Variants in PRSS36 observed in about 807,000 individuals in gnomAD.
PRSS36 encodes the protein serine protease 36.
Under a neutral mutation model 94.3 loss-of-function variants are expected in PRSS36, and 90 were observed. The observed-to-expected ratio is 0.95, with a 90% CI of 0.80 to 1.14. The LOEUF is 1.14. Among genes scored for constraint, PRSS36 ranks in the 50% most tolerant of loss-of-function variants. PRSS36 has a pLI of 0.00. For missense variants in PRSS36, 1,158 were observed against 1,135.0 expected (o/e 1.02, Z -0.29); for synonymous variants, 500 against 489.6 (o/e 1.02, Z -0.28).
At chr16:31,142,438 C>T (rs1371951501) in intron 10 of PRSS36, 43 bp downstream of exon 10, 4 of 1,416,614 alleles carry the variant, frequency 2.8e-6, no homozygotes, top group Non-Finnish European at 3.7e-6. Flanking sequence ...TTCCTAGAGC[C>T]CTCTCGGGCC....
Position 31,148,285 on chromosome 16 carries a change from C to T in PRSS36, c.553+110G>A, listed in dbSNP as rs376820181. 2.5e-5 allele frequency: 31 copies of T among 1,224,178 alleles called. No homozygotes were observed. The African/African-American group carries it at 4.3e-4, about 17-fold the overall frequency. 75.8% of individuals were successfully genotyped at this position (1,224,178 alleles called of 1,614,324 possible). On this transcript the variant is annotated intron_variant, in intron 5 of 14. Transcript: ENST00000268281. Reference sequence around the variant, plus strand: ...CCGCAGAAACCTACCCTCCAACGCTCCCCGCAGGCTCCGCTCCGTGGCCCC... The same window carrying T: ...CCGCAGAAACCTACCCTCCAACGCTTCCCGCAGGCTCCGCTCCGTGGCCCC...
Position 31,142,942 on chromosome 16 carries a change from C to T in PRSS36, c.1152G>A (p.Leu384=). 1.4e-6 allele frequency: 2 copies of T among 1,470,866 alleles called. No individual in the cohort carries two copies. The highest frequency in any genetic ancestry group is 8.9e-7 in the Non-Finnish European group (1 of 1,118,178). The allele number at this position is 1,470,866 out of a possible 1,614,324, so 91.1% of individuals were successfully genotyped here. ...PPRDLDAWRV[L]LPSRPRAERV... is the part of the protein sequence containing the mutation. ...GCTCCGCGCGCGGGCGCGAGGGCAG[C>T]AGCACGCGCCAGGCGTCGAGGTCGC... Residue 384 remains leucine (L), a synonymous_variant, in exon 9 of 15, where the codon CTG becomes CTA. Coordinates refer to ENST00000268281, the MANE Select transcript of PRSS36 (RefSeq NM_173502.5).
chr16:31,149,576 C>T (rs2057864060), intron 2 of PRSS36, 78 bp from the exon 3 acceptor site: 1 of 1,606,674 alleles, frequency 6.2e-7, no homozygotes, highest in Non-Finnish European at 8.5e-7. Context: ...TCCTGCTCTC[C>T]AACCCCCGAC....
intron 5 of PRSS36, among the ~76,000 whole-genome samples, chr16:31,147,519 GAGCATGGAA>G (rs2057815762): frequency 2.0e-5 from 3 of 152,160 alleles, no homozygotes; most frequent in Non-Finnish European, 4.4e-5. Flanking sequence ...GGGGCCCTGG[GAGCATGGAA>G]AGCTTGGGTG....
At position 31,139,434 on chromosome 16, in the gene PRSS36, G is replaced by A; in HGVS notation, c.2290-18C>T. ...GAGGTCATCTGCAGAGTTGGAGCGA[G>A]GCCACGTGGGTCTGCTGCCCTTCCT... is the stretch of plus-strand genomic sequence containing the variant. On this transcript the variant is annotated intron_variant, in intron 14 of 14. Transcript: ENST00000268281. The A allele has an allele frequency of 6.2e-7, 1 of 1,605,232 alleles. No homozygotes were observed. The highest frequency in any genetic ancestry group is 1.1e-5 in the South Asian group (1 of 90,298).
chr16:31,143,161 A>G (rs1168570072), intron 8 of PRSS36, among the ~76,000 whole-genome samples, 168 bp from the exon 9 acceptor site: 1 of 151,804 alleles, frequency 6.6e-6, no homozygotes, highest in Admixed American at 6.6e-5. Flanking sequence ...TCGAACTTCT[A>G]TCTACCATGC....
chr16:31,143,252 A>G (rs1431262107), intron 8 of PRSS36, 90 bp downstream of exon 8: 2 of 1,497,638 alleles, frequency 1.3e-6, no homozygotes, highest in South Asian at 1.3e-5. Flanking sequence ...CCCCCCCCAC[A>G]CCCCCTGGGG....
At chr16:31,148,713 C>T (rs2057842349) in intron 4 of PRSS36, 38 bp from the exon 5 acceptor site, 1 of 1,607,886 alleles carries the variant, frequency 6.2e-7, no homozygotes, top group Non-Finnish European at 8.5e-7. Flanking sequence ...TAGGTTGACC[C>T]TATGGAGGGG....
intron 4 of PRSS36, 160 bp from the exon 5 acceptor site, chr16:31,148,835 TGGTGG>T: frequency 9.7e-7 from 1 of 1,031,830 alleles, no homozygotes; most frequent in Non-Finnish European, 1.4e-6. Flanking sequence ...TTGGAGCTGG[TGGTGG>T]GGGGGTCATT....
chr16:31,149,251 G>C lies in PRSS36; in HGVS notation c.110-16C>G, dbSNP rs755170809. Reference sequence around the variant, plus strand: ...CGCCCGCAGTCTGCAACGGGGAGCCGTGGAAGCCAAAGCTCCCCTCGGGTT... The same window carrying C: ...CGCCCGCAGTCTGCAACGGGGAGCCCTGGAAGCCAAAGCTCCCCTCGGGTT... On this transcript the variant is annotated splice_polypyrimidine_tract_variant and intron_variant, in intron 3 of 14. Transcript: ENST00000268281. 1.3e-6 allele frequency: 2 copies of C among 1,540,662 alleles called. No individual in the cohort carries two copies. Among genetic ancestry groups the C allele is most frequent in the Non-Finnish European group, 1.8e-6 (2 of 1,141,872 alleles).
intron 2 of PRSS36, 96 bp from the exon 3 acceptor site, chr16:31,149,594 T>G: frequency 6.2e-7 from 1 of 1,606,016 alleles, no homozygotes; most frequent in South Asian, 1.1e-5. Flanking sequence ...GACCCTATCT[T>G]CCCACTTCCC....
chr16:31,143,698 C>G lies in PRSS36; in HGVS notation c.860G>C (p.Arg287Pro). Residue 287 changes from arginine (R) to proline (P), a missense_variant, in exon 7 of 15, where the codon CGG becomes CCG. Coordinates refer to ENST00000268281, the MANE Select transcript of PRSS36 (RefSeq NM_173502.5). ...TAVATYEAWI[R>P]EQVMGSEPGP... ...AGGCTCTGAACCCATCACCTGCTCC[C>G]GTATCCATGCCTCATAGGTAGCCAC... The G allele has an allele frequency of 1.2e-6, 2 of 1,614,182 alleles. No individual in the cohort carries two copies. The highest frequency in any genetic ancestry group is 1.7e-6 in the Non-Finnish European group (2 of 1,180,038).
Position 31,142,826 on chromosome 16 carries a change from C to T in PRSS36, c.1268G>A (p.Ser423Asn), listed in dbSNP as rs1267831667. The change falls in exon 9 of 15, where the codon AGC becomes AAC. Residue 423 changes from serine (S) to asparagine (N), a missense_variant. By Grantham distance (46) the Ser-to-Asn change is conservative. Transcript: ENST00000268281. Reference sequence around the variant, plus strand: ...TAGGCACACGGGCCGCGAAGCCGCGCTCAGGTTCACGGGCGTGCGCAGCTG... The same window carrying T: ...TAGGCACACGGGCCGCGAAGCCGCGTTCAGGTTCACGGGCGTGCGCAGCTG... ...LLQLRTPVNL[S>N]AASRPVCLPH... 44 of 1,540,934 alleles carry T rather than the reference C, an allele frequency of 2.9e-5. No individual in the cohort carries two copies. The highest frequency in any genetic ancestry group is 3.8e-5 in the Non-Finnish European group (43 of 1,146,562).
In PRSS36 at chr16:31,142,557, G is replaced by T; in HGVS notation, c.1445C>A (p.Ala482Glu). ...CHCLYGRQGA[A>E]VPLPGDPPHA... Reference sequence around the variant, plus strand: ...CGGCGGGTCTCCGGGCAGCGGTACTGCCGCCCCCTGGCGGCCGTACAGGCA... The same window carrying T: ...CGGCGGGTCTCCGGGCAGCGGTACTTCCGCCCCCTGGCGGCCGTACAGGCA... The change falls in exon 10 of 15, where the codon GCA becomes GAA. Residue 482 changes from alanine to glutamate, a missense_variant. Transcript: ENST00000268281. 1 of 1,525,880 alleles carries T rather than the reference G, an allele frequency of 6.6e-7. No individual in the cohort carries two copies. Among genetic ancestry groups the T allele is most frequent in the South Asian group, 1.2e-5 (1 of 82,886 alleles). 94.5% of individuals were successfully genotyped at this position (1,525,880 alleles called of 1,614,324 possible). A position where few individuals can be genotyped will look rare whatever the true frequency, so the allele number is the denominator to read the frequency against.
At chr16:31,148,902 G>A (rs1328981702) in intron 4 of PRSS36, among the ~76,000 whole-genome samples, 171 bp downstream of exon 4, 4 of 152,114 alleles carry the variant, frequency 2.6e-5, no homozygotes, top group Admixed American at 2.0e-4. Context: ...GGACCAGTCC[G>A]GCAGCCTTGC....
Position 31,142,540 on chromosome 16 carries a change from C to T in PRSS36, c.1462G>A (p.Asp488Asn). Residue 488 changes from aspartate (D) to asparagine (N), a missense_variant, in exon 10 of 15, where the codon GAC becomes AAC. Transcript: ENST00000268281. Reference protein sequence around the residue: ...RQGAAVPLPGDPPHALCPAYQ... With the variant: ...RQGAAVPLPGNPPHALCPAYQ... ...GCAGGGCAGAGCGCGTGCGGCGGGT[C>T]TCCGGGCAGCGGTACTGCCGCCCCC... 1.3e-6 allele frequency: 2 copies of T among 1,516,972 alleles called. No individual in the cohort carries two copies. The highest frequency in any genetic ancestry group is 1.8e-6 in the Non-Finnish European group (2 of 1,135,530). The allele number at this position is 1,516,972 out of a possible 1,614,324, so 94.0% of individuals were successfully genotyped here. A position where few individuals can be genotyped will look rare whatever the true frequency, so the allele number is the denominator to read the frequency against.
In PRSS36 at chr16:31,149,251, G is replaced by A. The variant is rs755170809; in HGVS notation, c.110-16C>T. 3.2e-6 allele frequency: 5 copies of A among 1,540,542 alleles called. No individual in the cohort carries two copies. The highest frequency in any genetic ancestry group is 1.2e-5 in the South Asian group (1 of 83,358). ...CGCCCGCAGTCTGCAACGGGGAGCC[G>A]TGGAAGCCAAAGCTCCCCTCGGGTT... is the stretch of plus-strand genomic sequence containing the variant. On this transcript the variant is annotated splice_polypyrimidine_tract_variant and intron_variant, in intron 3 of 14. Transcript: ENST00000268281.
chr16:31,148,897 A>G (rs552460257), intron 4 of PRSS36, among the ~76,000 whole-genome samples, 176 bp downstream of exon 4: 130 of 152,198 alleles, frequency 8.5e-4, no homozygotes, highest in African/African-American at 3.0e-3. Context: ...TGGTGGGACC[A>G]GTCCGGCAGC....
At chr16:31,148,297 C>G (rs2057827286) in intron 5 of PRSS36, 98 bp downstream of exon 5, 8 of 1,336,428 alleles carry the variant, frequency 6.0e-6, no homozygotes, top group Non-Finnish European at 6.9e-6. Context: ...CCGCAGGCTC[C>G]GCTCCGTGGC....
Sources: allele counts gnomAD v4.1 joint callset (sites outside exome capture counted in the v4.1 genomes callset), GRCh38; gene constraint gnomAD v4.1.1; transcripts MANE v1.5; gene names NCBI Gene and HGNC (gene_info 2026-07-23, HGNC 2026-07-21).